The following KCNIP3 variants were observed in gnomAD, a reference collection of about 807,000 sequenced individuals.
KCNIP3 encodes the protein potassium voltage-gated channel interacting protein 3, also known as calsenilin.
A neutral mutation model predicts 35.0 loss-of-function variants in KCNIP3; 28 were observed. The observed-to-expected ratio is 0.80, with a 90% CI of 0.59 to 1.10. The LOEUF (loss-of-function observed/expected upper bound fraction) is 1.10, where lower values mean the gene tolerates loss of function less well. Among genes scored for constraint, KCNIP3 ranks in the 50% least tolerant of loss-of-function variants. KCNIP3 has a pLI of 0.00. For missense variants in KCNIP3, 295 were observed against 338.4 expected (o/e 0.87, Z 1.01); for synonymous variants, 134 against 133.8 (o/e 1.00, Z -0.01).
At chr2:95,300,553 T>C (rs1268961321) in intron 1 of KCNIP3, among the ~76,000 whole-genome samples, 2 of 152,202 alleles carry the variant, frequency 1.3e-5, no homozygotes, top group Non-Finnish European at 2.9e-5. Flanking sequence ...TGCCCAGACC[T>C]GGGGCAGGCA....
intron 2 of KCNIP3, among the ~76,000 whole-genome samples, chr2:95,336,922 A>G (rs1679075236): frequency 6.6e-6 from 1 of 152,174 alleles, no homozygotes; most frequent in Admixed American, 6.5e-5. Context: ...GACCCCTGGG[A>G]TCTTTGCTCT....
chr2:95,361,848 G>T (rs1464389243), intron 2 of KCNIP3, among the ~76,000 whole-genome samples: 4 of 152,168 alleles, frequency 2.6e-5, no homozygotes, highest in Non-Finnish European at 5.9e-5. Context: ...CCCTGTAGAG[G>T]GAGAGACCAA....
chr2:95,375,844 C>T (rs900214054), intron 5 of KCNIP3, among the ~76,000 whole-genome samples: 7 of 152,146 alleles, frequency 4.6e-5, no homozygotes, highest in South Asian at 2.1e-4. Flanking sequence ...TAGCTGCAGG[C>T]GAAAAGCTGA....
At chr2:95,334,591 G>A (rs1265808898) in intron 2 of KCNIP3, among the ~76,000 whole-genome samples, 1 of 152,216 alleles carries the variant, frequency 6.6e-6, no homozygotes, top group Non-Finnish European at 1.5e-5. Flanking sequence ...AACTCTAAGA[G>A]TATGAAGAGA....
chr2:95,370,449 G>A (rs548706480), intron 2 of KCNIP3, among the ~76,000 whole-genome samples: 2 of 152,300 alleles, frequency 1.3e-5, no homozygotes, highest in South Asian at 2.1e-4. Flanking sequence ...GCTTAGGGAG[G>A]TATCTCCACT....
At chr2:95,319,042 G>A (rs1371578309) in intron 2 of KCNIP3, among the ~76,000 whole-genome samples, 1 of 152,218 alleles carries the variant, frequency 6.6e-6, no homozygotes, top group Admixed American at 6.5e-5. Flanking sequence ...TCCCTGCCCT[G>A]TCCTGAGTGC....
intron 2 of KCNIP3, among the ~76,000 whole-genome samples, chr2:95,334,552 T>A (rs1443190939): frequency 6.6e-6 from 1 of 152,050 alleles, no homozygotes; most frequent in Non-Finnish European, 1.5e-5. Flanking sequence ...CCAGAGAAAC[T>A]CACAAACCAA....
intron 2 of KCNIP3, among the ~76,000 whole-genome samples, chr2:95,317,288 T>C (rs1007343626): frequency 6.6e-6 from 1 of 152,216 alleles, no homozygotes; most frequent in African/African-American, 2.4e-5. Context: ...ATCACACCAG[T>C]GTCACCTCCT....
chr2:95,330,280 C>T (rs1328753085), intron 2 of KCNIP3, among the ~76,000 whole-genome samples: 3 of 152,196 alleles, frequency 2.0e-5, no homozygotes, highest in African/African-American at 4.8e-5. Flanking sequence ...CAGACCTCCC[C>T]TGCCAAGGGC....
rs1680214921 is a variant in KCNIP3 at position 95,376,924 on chromosome 2, T to C, written c.447+1716T>C. On this transcript the variant is annotated intron_variant, in intron 5 of 8. Coordinates refer to ENST00000295225, the MANE Select transcript of KCNIP3 (RefSeq NM_013434.5). This position sits in a 1 kb window ranked among gnomAD's most constrained non-coding sequence, Gnocchi z 4.2. ...TGTATATTCTTAGAGACAAGATGCA[T>C]ATTAGTTACAGTTTACTGATATGGT... 6.6e-6 allele frequency among the ~76,000 whole-genome samples: 1 copy of C among 152,194 alleles called. No individual in the cohort carries two copies. Among genetic ancestry groups the C allele is most frequent in the Non-Finnish European group, 1.5e-5 (1 of 68,020 alleles).
intron 2 of KCNIP3, among the ~76,000 whole-genome samples, chr2:95,319,814 C>T (rs892290259): frequency 1.3e-5 from 2 of 152,238 alleles, no homozygotes; most frequent in Non-Finnish European, 1.5e-5. Context: ...TCCGCTGCGC[C>T]GTCTGTCTCA....
Position 95,376,449 on chromosome 2 carries a change from G to A in KCNIP3, c.447+1241G>A, listed in dbSNP as rs896104514. On this transcript the variant is annotated intron_variant, in intron 5 of 8. Coordinates refer to ENST00000295225, the MANE Select transcript of KCNIP3 (RefSeq NM_013434.5). The surrounding 1 kb of genome is among the most constrained non-coding windows in gnomAD (Gnocchi z 4.2). Reference sequence around the variant, plus strand: ...CTCACCTCCTGTGGCCATCACCCTCGCTGTCCTGAGGGACAGCCTTGTGGC... The same window carrying A: ...CTCACCTCCTGTGGCCATCACCCTCACTGTCCTGAGGGACAGCCTTGTGGC... 5.3e-5 allele frequency among the ~76,000 whole-genome samples: 8 copies of A among 152,118 alleles called. No individual in the cohort carries two copies. The highest frequency in any genetic ancestry group is 1.7e-4 in the African/African-American group (7 of 41,430).
intron 2 of KCNIP3, among the ~76,000 whole-genome samples, chr2:95,352,576 G>C (rs1679554767): frequency 6.6e-6 from 1 of 151,270 alleles, no homozygotes; most frequent in South Asian, 2.1e-4. Context: ...TCCCTCTCCA[G>C]CCCTCTCTCC....
At chr2:95,350,758 C>T (rs1373037445) in intron 2 of KCNIP3, among the ~76,000 whole-genome samples, 2 of 152,166 alleles carry the variant, frequency 1.3e-5, no homozygotes. Context: ...TCATTGTAAT[C>T]ACCTGGGAAC....
intron 2 of KCNIP3, among the ~76,000 whole-genome samples, chr2:95,340,934 G>A (rs1044471566): frequency 5.9e-5 from 9 of 152,160 alleles, no homozygotes; most frequent in Admixed American, 5.9e-4. Flanking sequence ...CCAAGGAATG[G>A]GGTTTTCTGT....
intron 1 of KCNIP3, among the ~76,000 whole-genome samples, chr2:95,297,995 A>T (rs1387331706): frequency 6.6e-6 from 1 of 152,238 alleles, no homozygotes; most frequent in Non-Finnish European, 1.5e-5. Flanking sequence ...AGGAGCCCCT[A>T]ACAAGAGCAC....
intron 2 of KCNIP3, among the ~76,000 whole-genome samples, chr2:95,369,991 T>C (rs944750012): frequency 9.2e-5 from 14 of 152,232 alleles, no homozygotes; most frequent in African/African-American, 3.4e-4. Flanking sequence ...TCTTTTATTA[T>C]AGTTTTTAAT....
chr2:95,317,015 A>G (rs556152795), intron 2 of KCNIP3, among the ~76,000 whole-genome samples: 65 of 152,318 alleles, frequency 4.3e-4, no homozygotes, highest in South Asian at 1.9e-3. Context: ...GCTCCTCAGC[A>G]GAGGAACCGC....
At chr2:95,370,633 A>T (rs1680020155) in intron 2 of KCNIP3, among the ~76,000 whole-genome samples, 1 of 152,206 alleles carries the variant, frequency 6.6e-6, no homozygotes, top group African/African-American at 2.4e-5. Flanking sequence ...GTAGAAGTTA[A>T]TTATGTATTC....
Sources: allele counts gnomAD v4.1 joint callset (sites outside exome capture counted in the v4.1 genomes callset), GRCh38; gene constraint gnomAD v4.1.1; non-coding constraint Gnocchi (gnomAD v3.1); transcripts MANE v1.5; gene names NCBI Gene and HGNC (gene_info 2026-07-23, HGNC 2026-07-21).